The following ARRDC5 variants were observed in gnomAD, a reference collection of about 807,000 sequenced individuals.
ARRDC5 encodes the protein arrestin domain-containing protein 5.
Under a neutral mutation model 13.3 loss-of-function variants are expected in ARRDC5, and 12 were observed. That is an observed-to-expected ratio of 0.90 (90% CI 0.58 to 1.46). ARRDC5 has a LOEUF of 1.46. Ranked by LOEUF, ARRDC5 falls within the 40% of genes most tolerant of loss-of-function variation. The pLI is 0.00. For missense variants in ARRDC5, 406 were observed against 418.7 expected (o/e 0.97, Z 0.26); for synonymous variants, 181 against 173.4 (o/e 1.04, Z -0.34).
At chr19:4,915,186 C>T in the ARRDC5 span, among the ~76,000 whole-genome samples, 1 of 152,224 alleles carries the variant, frequency 6.6e-6, no homozygotes, top group Non-Finnish European at 1.5e-5. Flanking sequence ...ACAGTGATGC[C>T]TCAGGTGTCC....
upstream of ARRDC5, among the ~76,000 whole-genome samples, chr19:4,907,087 C>G (rs2032079559): frequency 6.6e-6 from 1 of 152,190 alleles, no homozygotes; most frequent in Non-Finnish European, 1.5e-5. Flanking sequence ...TGACAAAGGA[C>G]CACAAACTCA....
chr19:4,907,575 A>T (rs563851057), upstream of ARRDC5, among the ~76,000 whole-genome samples: 83 of 147,344 alleles, frequency 5.6e-4, no homozygotes, highest in Middle Eastern at 4.1e-3. Context: ...CGGCCCACAC[A>T]TTTATCATCT....
chr19:4,890,635 G>A lies in ARRDC5; in HGVS notation c.*411C>T, dbSNP rs1455437512. On this transcript the variant is annotated 3_prime_UTR_variant, in exon 3 of 3. Transcript: ENST00000650722. ...CCTGGACACTGCAGGGTGCTGAACAGCGTCCCTGGCCTCCACCCTCTCCAC... is the reference window on the plus strand; with the variant it reads ...CCTGGACACTGCAGGGTGCTGAACAACGTCCCTGGCCTCCACCCTCTCCAC... 1 of 226,578 alleles carries A rather than the reference G, an allele frequency of 4.4e-6. No individual in the cohort carries two copies. The highest frequency in any genetic ancestry group is 8.8e-6 in the Non-Finnish European group (1 of 113,444). The allele number at this position is 226,578 out of a possible 1,614,324, so 14.0% of individuals were successfully genotyped here. A position where few individuals can be genotyped will look rare whatever the true frequency, so the allele number is the denominator to read the frequency against.
chr19:4,916,644 C>G, the ARRDC5 span, among the ~76,000 whole-genome samples: 4 of 151,966 alleles, frequency 2.6e-5, 1 homozygote, highest in African/African-American at 9.7e-5. Context: ...GTCCACGCCA[C>G]CGCCGCCCCC....
At chr19:4,893,157 TA>T (rs2031572436) in intron 2 of ARRDC5, among the ~76,000 whole-genome samples, 1 of 141,340 alleles carries the variant, frequency 7.1e-6, no homozygotes, top group Non-Finnish European at 1.5e-5. Context: ...TTAGAATATA[TA>T]TAATATATTA....
At chr19:4,904,464 C>A (rs536013491), upstream of ARRDC5, among the ~76,000 whole-genome samples, 40 of 152,298 alleles carry the variant, frequency 2.6e-4, no homozygotes, top group African/African-American at 9.4e-4. Flanking sequence ...CAGGCGTGAG[C>A]CACCGCACCC....
intron 1 of ARRDC5, among the ~76,000 whole-genome samples, chr19:4,897,596 AGCCT>A (rs2031778289): frequency 6.6e-6 from 1 of 152,060 alleles, no homozygotes; most frequent in Non-Finnish European, 1.5e-5. Flanking sequence ...TGGTCACTGC[AGCCT>A]CCAACTCCTG....
Position 4,902,864 on chromosome 19 carries a change from C to A in ARRDC5, c.-39G>T. 1 of 1,612,628 alleles carries A rather than the reference C, an allele frequency of 6.2e-7. No individual in the cohort carries two copies. Among genetic ancestry groups the A allele is most frequent in the South Asian group, 1.1e-5 (1 of 91,026 alleles). ...GTAGAGAGACATTCCTCTCTGTCCCCCATGTCCCTGAAATTCCCGGTTCGT... is the reference window on the plus strand; with the variant it reads ...GTAGAGAGACATTCCTCTCTGTCCCACATGTCCCTGAAATTCCCGGTTCGT... On this transcript the variant is annotated 5_prime_UTR_variant, in exon 1 of 3. Coordinates refer to ENST00000650722, the MANE Select transcript of ARRDC5 (RefSeq NM_001080523.3).
chr19:4,913,808 T>TGTAGC, the ARRDC5 span, among the ~76,000 whole-genome samples: 4 of 72,392 alleles, frequency 5.5e-5, no homozygotes, highest in African/African-American at 5.7e-4. Context: ...ATGCAGTAGC[T>TGTAGC]TTTTTTTTTT....
intron 2 of ARRDC5, among the ~76,000 whole-genome samples, chr19:4,896,313 CAAA>C (rs559677827): frequency 0.12 from 6,178 of 52,324 alleles, 556 homozygotes; most frequent in East Asian, 0.28. Flanking sequence ...GACTGCATCT[CAAA>C]AAAAAAAAAA....
chr19:4,903,088 GCC>G, upstream of ARRDC5: 3 of 442,258 alleles, frequency 6.8e-6, no homozygotes, highest in South Asian at 7.0e-5. Context: ...GTGCAGGGGT[GCC>G]ATCTTGGCTC....
chr19:4,896,361 T>TACAC (rs71170877), intron 2 of ARRDC5, among the ~76,000 whole-genome samples: 6,210 of 84,810 alleles, frequency 0.073, 305 homozygotes, highest in East Asian at 0.12. Context: ...TTTTTTTTTT[T>TACAC]ACACACACAC....
At chr19:4,912,902 G>GGCAT in the ARRDC5 span, among the ~76,000 whole-genome samples, 1 of 152,038 alleles carries the variant, frequency 6.6e-6, no homozygotes, top group African/African-American at 2.4e-5. Flanking sequence ...TAGGACTATA[G>GGCAT]GCATGCACCA....
rs766257003 is a variant in ARRDC5, at chr19:4,891,019, G to C, written c.*27C>G. On this transcript the variant is annotated 3_prime_UTR_variant, in exon 3 of 3. Coordinates refer to ENST00000650722, the MANE Select transcript of ARRDC5 (RefSeq NM_001080523.3). ...CTTCCTCCTGGTAGAGACTAATAAA[G>C]CTTTTAATATTTAAAAGTTCGGGCA... 3.8e-5 allele frequency: 60 copies of C among 1,577,156 alleles called. No individual in the cohort carries two copies. The highest frequency in any genetic ancestry group is 5.1e-5 in the Non-Finnish European group (59 of 1,159,974).
At chr19:4,910,681 C>A in the ARRDC5 span, 1 of 465,292 alleles carries the variant, frequency 2.1e-6, no homozygotes. Context: ...CTTGGCTAGT[C>A]GTTAATGCCT....
the ARRDC5 span, among the ~76,000 whole-genome samples, chr19:4,912,412 G>T: frequency 2.0e-4 from 30 of 152,272 alleles, no homozygotes; most frequent in African/African-American, 7.0e-4. Context: ...AGTTCACAGC[G>T]TAGGTCAGTG....
rs774269511 is a variant in ARRDC5, at chr19:4,891,589, G to A, written c.460-16C>T. 2 of 1,599,650 alleles carry A rather than the reference G, an allele frequency of 1.3e-6. No homozygotes were observed. The highest frequency in any genetic ancestry group is 4.5e-5 in the East Asian group (2 of 44,758). On this transcript the variant is annotated splice_polypyrimidine_tract_variant and intron_variant, in intron 2 of 2. Transcript: ENST00000650722. ...ACAAGGGGTTCTAGGAGGATGTGGG[G>A]GAACAGACAACCGTGAGGGACCAGG...
At chr19:4,910,752 A>G in the ARRDC5 span, 2 of 1,217,558 alleles carry the variant, frequency 1.6e-6, no homozygotes, top group South Asian at 1.8e-5. Context: ...GAGGACTGGA[A>G]GGGCATCCTG....
chr19:4,916,561 C>T, the ARRDC5 span, among the ~76,000 whole-genome samples: 3,288 of 152,226 alleles, frequency 0.022, 45 homozygotes, highest in Middle Eastern at 0.079. Flanking sequence ...GTGACCCGGC[C>T]GGGTCGAAGG....
Sources: allele counts gnomAD v4.1 joint callset (sites outside exome capture counted in the v4.1 genomes callset), GRCh38; gene constraint gnomAD v4.1.1; transcripts MANE v1.5; gene names NCBI Gene and HGNC (gene_info 2026-07-23, HGNC 2026-07-21).